Variants in CA5A observed in about 807,000 individuals in gnomAD.
CA5A encodes the protein carbonic anhydrase 5A.
Under a neutral mutation model 37.1 loss-of-function variants are expected in CA5A, and 28 were observed. The ratio of observed to expected loss-of-function variants is 0.75; its 90% CI spans 0.56 to 1.03. The LOEUF is 1.03. Ranked by LOEUF, CA5A falls within the 50% of genes least tolerant of loss-of-function variation. CA5A has a pLI of 0.00. For synonymous variants in CA5A, 171 were observed against 158.4 expected (o/e 1.08, Z -0.60); for missense variants, 444 against 399.9 (o/e 1.11, Z -0.94).
intron 5 of CA5A, among the ~76,000 whole-genome samples, chr16:87,898,485 T>TA (rs1294065243): frequency 6.6e-6 from 1 of 152,170 alleles, no homozygotes; most frequent in Non-Finnish European, 1.5e-5. Flanking sequence ...TCCCAGAAGG[T>TA]AATAGCTCTC....
At chr16:87,932,086 C>G (rs563044030) in intron 1 of CA5A, among the ~76,000 whole-genome samples, 2 of 152,030 alleles carry the variant, frequency 1.3e-5, no homozygotes, top group Non-Finnish European at 2.9e-5. Flanking sequence ...TGCACGCCAG[C>G]CTGAGCAACA....
intron 2 of CA5A, among the ~76,000 whole-genome samples, chr16:87,919,671 T>C (rs1455413103): frequency 6.6e-6 from 1 of 152,170 alleles, no homozygotes; most frequent in African/African-American, 2.4e-5. Flanking sequence ...CCTCTTTGCT[T>C]AAGCCACTTT....
At chr16:87,909,210 C>G (rs2056011303) in intron 2 of CA5A, among the ~76,000 whole-genome samples, 1 of 152,142 alleles carries the variant, frequency 6.6e-6, no homozygotes, top group African/African-American at 2.4e-5. Context: ...AGAGACAAGT[C>G]AGCCCTTTCC....
At chr16:87,914,408 CA>C (rs1418707170) in intron 2 of CA5A, among the ~76,000 whole-genome samples, 3 of 152,218 alleles carry the variant, frequency 2.0e-5, no homozygotes, top group Non-Finnish European at 4.4e-5. Context: ...CCAAAACACT[CA>C]GGGGGTGCTA....
chr16:87,924,384 C>G (rs1027448990), intron 2 of CA5A: 4 of 890,816 alleles, frequency 4.5e-6, no homozygotes, highest in Non-Finnish European at 5.4e-6. Context: ...GTGGTGTTTG[C>G]GATGCACTGT....
At chr16:87,914,520 G>A (rs1486325557) in intron 2 of CA5A, among the ~76,000 whole-genome samples, 2 of 152,304 alleles carry the variant, frequency 1.3e-5, no homozygotes, top group Admixed American at 6.5e-5. Flanking sequence ...AGGAACTGGG[G>A]TGGGAGGAGG....
intron 5 of CA5A, chr16:87,892,964 G>A: frequency 4.0e-6 from 4 of 1,004,642 alleles, no homozygotes; most frequent in Non-Finnish European, 3.1e-6. Context: ...TCCTTTTTAA[G>A]GAGGGAGTCA....
At chr16:87,898,274 A>G (rs2055830616) in intron 5 of CA5A, among the ~76,000 whole-genome samples, 1 of 152,254 alleles carries the variant, frequency 6.6e-6, no homozygotes, top group Non-Finnish European at 1.5e-5. Context: ...CAGAAGCTGC[A>G]GGTGAGCCCG....
intron 5 of CA5A, among the ~76,000 whole-genome samples, chr16:87,894,361 A>G (rs528509286): frequency 5.9e-4 from 90 of 152,130 alleles, no homozygotes; most frequent in African/African-American, 2.1e-3. Flanking sequence ...GCTCAGCCAC[A>G]TCACATCACC....
intron 5 of CA5A, among the ~76,000 whole-genome samples, chr16:87,895,931 A>C (rs766914841): frequency 6.6e-6 from 1 of 152,190 alleles, no homozygotes; most frequent in Non-Finnish European, 1.5e-5. Flanking sequence ...GTGAAGGAGC[A>C]GACTGCTTGT....
chr16:87,925,167 T>G (rs115631427), intron 2 of CA5A, among the ~76,000 whole-genome samples: 1 of 152,160 alleles, frequency 6.6e-6, no homozygotes, highest in African/African-American at 2.4e-5. Context: ...CCGGAGAGGA[T>G]GTGGAGCTGT....
chr16:87,916,768 G>A (rs1364467840), intron 2 of CA5A, among the ~76,000 whole-genome samples: 11 of 152,228 alleles, frequency 7.2e-5, no homozygotes, highest in South Asian at 4.2e-4. Flanking sequence ...CACAGGGGTC[G>A]CGGTGCACCT....
At position 87,909,262 on chromosome 16, in the gene CA5A, C is replaced by T. The variant is rs183141873; in HGVS notation, c.341-4358G>A. ...GGAACCATGGGGCCCTCGGGACATG[C>T]GGCCCCTCCTCAGGCTGGCTCGGGG... is the stretch of plus-strand genomic sequence containing the variant. On this transcript the variant is annotated intron_variant, in intron 2 of 6. Coordinates refer to ENST00000649794, the MANE Select transcript of CA5A (RefSeq NM_001739.2). Among the ~76,000 whole-genome samples the T allele has an allele frequency of 2.6e-5, 4 of 152,270 alleles. No individual in the cohort carries two copies. In the East Asian group the frequency reaches 5.8e-4, roughly 22 times the overall value.
chr16:87,925,581 C>G (rs1007315125), intron 2 of CA5A: 1 of 152,290 alleles, frequency 6.6e-6, no homozygotes, highest in Non-Finnish European at 1.5e-5. Flanking sequence ...TACAGTGACA[C>G]CAGCTGGTGC....
chr16:87,910,004 C>T (rs972438782), intron 2 of CA5A, among the ~76,000 whole-genome samples: 3 of 152,168 alleles, frequency 2.0e-5, no homozygotes, highest in African/African-American at 7.2e-5. Context: ...TGAACCCCCA[C>T]CATAGGACTG....
intron 2 of CA5A, among the ~76,000 whole-genome samples, chr16:87,913,303 G>GCCTTTTTTT (rs1477040865): frequency 9.2e-6 from 1 of 108,630 alleles, no homozygotes; most frequent in African/African-American, 5.3e-5. Context: ...GAATGTTCCA[G>GCCTTTTTTT]TCTTTTTTTT....
chr16:87,895,767 A>C (rs565016793), intron 5 of CA5A, among the ~76,000 whole-genome samples: 1 of 151,962 alleles, frequency 6.6e-6, no homozygotes, highest in East Asian at 1.9e-4. Flanking sequence ...AACATGTGGA[A>C]CATTTGTGTC....
At chr16:87,916,402 G>A (rs185497129) in intron 2 of CA5A, among the ~76,000 whole-genome samples, 44 of 152,098 alleles carry the variant, frequency 2.9e-4, no homozygotes, top group African/African-American at 8.9e-4. Flanking sequence ...ATTTTAAAAC[G>A]GTGATGCTGG....
chr16:87,905,237 A>G (rs1392735327), intron 2 of CA5A, among the ~76,000 whole-genome samples: 1 of 152,158 alleles, frequency 6.6e-6, no homozygotes, highest in Non-Finnish European at 1.5e-5. Context: ...TGCCTGTCCT[A>G]TAAGATTTCC....
Sources: allele counts gnomAD v4.1 joint callset (sites outside exome capture counted in the v4.1 genomes callset), GRCh38; gene constraint gnomAD v4.1.1; transcripts MANE v1.5; gene names NCBI Gene and HGNC (gene_info 2026-07-23, HGNC 2026-07-21).